Variants in SPPL2A observed in about 807,000 individuals in gnomAD.
SPPL2A encodes signal peptide peptidase-like 2A.
Under a neutral mutation model 63.8 loss-of-function variants are expected in SPPL2A, and 51 were observed. That is an observed-to-expected ratio of 0.80 (90% CI 0.64 to 1.01). The LOEUF (loss-of-function observed/expected upper bound fraction) is 1.01. Among genes scored for constraint, SPPL2A ranks in the 50% least tolerant of loss-of-function variants. The probability of loss-of-function intolerance (pLI) is 0.00; values close to 1 mark genes in which losing one functional copy is unlikely to be tolerated. For synonymous variants in SPPL2A, 188 were observed against 205.8 expected (o/e 0.91, Z 0.74); for missense variants, 553 against 622.7 (o/e 0.89, Z 1.19).
At chr15:50,715,058 T>C (rs1439087802) in intron 14 of SPPL2A, among the ~76,000 whole-genome samples, 1 of 152,006 alleles carries the variant, frequency 6.6e-6, no homozygotes, top group Non-Finnish European at 1.5e-5. Context: ...AGTGGTACAA[T>C]CTTGGCTCAC....
At position 50,736,137 on chromosome 15, in the gene SPPL2A, A is replaced by G. The variant is rs761978384; in HGVS notation, c.896T>C (p.Val299Ala). Reference sequence around the variant, plus strand: ...TCGAAACACAGCCCAAACAACAGCTACTGCTATGCACAGTCCAGAGAGAAA... The same window carrying G: ...TCGAAACACAGCCCAAACAACAGCTGCTGCTATGCACAGTCCAGAGAGAAA... ...LIFLSGLCIA[V>A]AVVWAVFRNE... Residue 299 changes from valine (V) to alanine (A), a missense_variant, in exon 8 of 15, where the codon GTA becomes GCA. By Grantham distance (64) the Val-to-Ala change is moderately conservative (BLOSUM62 0). Coordinates refer to ENST00000261854, the MANE Select transcript of SPPL2A (RefSeq NM_032802.4). The G allele has an allele frequency of 7.4e-6, 12 of 1,612,796 alleles. No individual in the cohort carries two copies. The highest frequency in any genetic ancestry group is 2.5e-6 in the Non-Finnish European group (3 of 1,179,238).
chr15:50,762,052 C>G (rs191832778), intron 1 of SPPL2A, among the ~76,000 whole-genome samples: 3 of 152,098 alleles, frequency 2.0e-5, no homozygotes, highest in African/African-American at 7.2e-5. Context: ...CGAGGTTGAA[C>G]TGGGGAAGGA....
chr15:50,734,022 G>C (rs559782220), intron 8 of SPPL2A, among the ~76,000 whole-genome samples: 1 of 152,216 alleles, frequency 6.6e-6, no homozygotes, highest in South Asian at 2.1e-4. Flanking sequence ...GGGAAAAGGG[G>C]AAACCTTGTA....
In SPPL2A at chr15:50,739,802, T is replaced by G; in HGVS notation, c.611A>C (p.Glu204Ala). 6.2e-7 allele frequency: 1 copy of G among 1,603,904 alleles called. No individual in the cohort carries two copies. Among genetic ancestry groups the G allele is most frequent in the Non-Finnish European group, 8.5e-7 (1 of 1,177,504 alleles). The change falls in exon 6 of 15, where the codon GAA becomes GCA. Residue 204 changes from glutamate to alanine, a missense_variant. By Grantham distance (107) the Glu-to-Ala change is moderately radical. Transcript: ENST00000261854. Reference sequence around the variant, plus strand: ...CTTCTTTTTCCTCATTTCTCTATCTTCAGTTGTCACTGCTTTCAAGTTTTC... The same window carrying G: ...CTTCTTTTTCCTCATTTCTCTATCTGCAGTTGTCACTGCTTTCAAGTTTTC... ...ELENLKAVTT[E>A]DREMRKKKEE...
intron 5 of SPPL2A, among the ~76,000 whole-genome samples, chr15:50,742,541 T>A (rs776283674): frequency 6.6e-5 from 10 of 152,178 alleles, no homozygotes; most frequent in Non-Finnish European, 1.5e-4. Context: ...CCCTAAGCCT[T>A]ACTCTCTTTC....
At chr15:50,736,512 T>A (rs2062772379) in intron 7 of SPPL2A, 132 bp downstream of exon 7, 1 of 546,160 alleles carries the variant, frequency 1.8e-6, no homozygotes, top group East Asian at 3.0e-5. Context: ...TTAATTTTAC[T>A]TAAATTTAAA....
chr15:50,727,319 T>C (rs1437883259), intron 10 of SPPL2A, among the ~76,000 whole-genome samples: 1 of 152,182 alleles, frequency 6.6e-6, no homozygotes, highest in Non-Finnish European at 1.5e-5. Context: ...ATTCCTGAGC[T>C]GAGCAGAAAG....
intron 5 of SPPL2A, among the ~76,000 whole-genome samples, chr15:50,745,229 C>A (rs1342308389): frequency 1.3e-5 from 2 of 152,206 alleles, no homozygotes; most frequent in Non-Finnish European, 1.5e-5. Context: ...CGGCTCACTG[C>A]AACCTCCACC....
At chr15:50,750,126 CAG>C (rs1208909393) in intron 1 of SPPL2A, among the ~76,000 whole-genome samples, 4 of 152,120 alleles carry the variant, frequency 2.6e-5, no homozygotes, top group African/African-American at 9.7e-5. Context: ...CTTTTTGACA[CAG>C]AGTCTTGCTC....
chr15:50,754,141 T>C (rs749218691), intron 1 of SPPL2A, among the ~76,000 whole-genome samples: 2 of 152,222 alleles, frequency 1.3e-5, no homozygotes, highest in Non-Finnish European at 2.9e-5. Context: ...GTTTTAGTTT[T>C]ACAGCAAAAT....
At chr15:50,748,539 A>G in intron 3 of SPPL2A, 149 bp downstream of exon 3, 1 of 597,532 alleles carries the variant, frequency 1.7e-6, no homozygotes, top group East Asian at 3.0e-5. Context: ...GTAAATGCCT[A>G]TTAGATCTTG....
In SPPL2A at chr15:50,702,424, AGT is replaced by A. The variant is rs1404489916; in HGVS notation, c.*5374_*5375del. The A allele has an allele frequency of 6.6e-6, 1 of 152,236 alleles. No homozygotes were observed. The highest frequency in any genetic ancestry group is 1.5e-5 in the Non-Finnish European group (1 of 68,036). The allele number at this position is 152,236 out of a possible 1,614,324, so 9.4% of individuals were successfully genotyped here. The stretch of plus-strand genomic sequence containing the variant: ...ATTCCATAAAAATATAAAGCCTAGT[AGT>A]GTTATAAAAGTATTAATTTACACTA... On this transcript the variant is annotated 3_prime_UTR_variant, in exon 15 of 15. Coordinates refer to ENST00000261854, the MANE Select transcript of SPPL2A (RefSeq NM_032802.4).
At chr15:50,751,069 G>A (rs980649921) in intron 1 of SPPL2A, among the ~76,000 whole-genome samples, 5 of 152,144 alleles carry the variant, frequency 3.3e-5, no homozygotes, top group Non-Finnish European at 7.4e-5. Context: ...GGATTAGAGG[G>A]TTTATGCCAT....
chr15:50,702,331 T>C lies in SPPL2A; in HGVS notation c.*5469A>G, dbSNP rs1471455260. On this transcript the variant is annotated 3_prime_UTR_variant, in exon 15 of 15. Coordinates refer to ENST00000261854, the MANE Select transcript of SPPL2A (RefSeq NM_032802.4). Reference sequence around the variant, plus strand: ...TAAATACATAAAAAATTGTTTTTCTTGTCAGTATTGGCACATAATGATAAA... The same window carrying C: ...TAAATACATAAAAAATTGTTTTTCTCGTCAGTATTGGCACATAATGATAAA... The C allele has an allele frequency of 1.3e-5, 2 of 152,184 alleles. No individual in the cohort carries two copies. Among genetic ancestry groups the C allele is most frequent in the Admixed American group, 6.5e-5 (1 of 15,270 alleles). 9.4% of individuals were successfully genotyped at this position (152,184 alleles called of 1,614,324 possible).
At chr15:50,731,350 AG>A (rs1007501519) in intron 9 of SPPL2A, among the ~76,000 whole-genome samples, 18 of 151,948 alleles carry the variant, frequency 1.2e-4, no homozygotes, top group African/African-American at 4.1e-4. Context: ...GTTCGAGACC[AG>A]CCTGGCCAAC....
chr15:50,727,927 A>C (rs2062699037), intron 10 of SPPL2A, among the ~76,000 whole-genome samples: 1 of 152,224 alleles, frequency 6.6e-6, no homozygotes, highest in African/African-American at 2.4e-5. Flanking sequence ...GCTAGAAATC[A>C]TGTTCCTAGT....
chr15:50,724,314 C>T (rs185816262), intron 12 of SPPL2A, among the ~76,000 whole-genome samples: 7 of 152,222 alleles, frequency 4.6e-5, no homozygotes, highest in Non-Finnish European at 7.4e-5. Flanking sequence ...CGGTGGCTCA[C>T]GCCTGTAATC....
intron 11 of SPPL2A, chr15:50,725,930 T>C (rs959701074): frequency 5.5e-6 from 2 of 360,478 alleles, no homozygotes; most frequent in Admixed American, 7.7e-5. Context: ...TTACCAAGGA[T>C]AGAACTCAGG....
At chr15:50,748,612 C>T (rs537064691) in intron 3 of SPPL2A, 76 bp downstream of exon 3, 5 of 1,001,278 alleles carry the variant, frequency 5.0e-6, no homozygotes, top group Non-Finnish European at 7.3e-6. Context: ...AAACCACACA[C>T]AAAGACGTTA....
Sources: gnomAD v4.1 joint callset for allele counts (sites outside exome capture counted in the v4.1 genomes callset) on GRCh38, gnomAD v4.1.1 for gene constraint, MANE v1.5 for transcripts, NCBI Gene and HGNC (gene_info 2026-07-23, HGNC 2026-07-21) for gene names.